Variants in HERC4 observed in about 807,000 individuals in gnomAD.
The protein encoded by HERC4 is probable E3 ubiquitin-protein ligase HERC4.
HERC4 carries 28 observed loss-of-function variants against 124.3 expected under a neutral mutation model. That is an observed-to-expected ratio of 0.23 (90% CI 0.17 to 0.31). The LOEUF is 0.31. Ranked by LOEUF, HERC4 falls within the 10% of genes least tolerant of loss-of-function variation. The pLI is 1.00. For missense variants in HERC4, 713 were observed against 1,229.3 expected (o/e 0.58, Z 6.28); for synonymous variants, 407 against 421.5 (o/e 0.97, Z 0.42).
intron 15 of HERC4, among the ~76,000 whole-genome samples, chr10:67,970,184 A>G (rs1457372741): frequency 7.3e-6 from 1 of 137,370 alleles, no homozygotes; most frequent in Non-Finnish European, 1.6e-5. Context: ...ACTAAACTCA[A>G]ATCCTTACAC....
intron 9 of HERC4, among the ~76,000 whole-genome samples, chr10:68,003,420 G>A (rs969554271): frequency 1.3e-5 from 2 of 148,578 alleles, no homozygotes; most frequent in Non-Finnish European, 3.0e-5. Context: ...TGATCTGCCC[G>A]CCTCAGCCTC....
intron 3 of HERC4, among the ~76,000 whole-genome samples, chr10:68,056,116 G>A (rs2040536435): frequency 6.6e-6 from 1 of 152,126 alleles, no homozygotes; most frequent in African/African-American, 2.4e-5. Context: ...GAAGAGGAAA[G>A]AAGGGGTAAA....
At chr10:67,950,934 C>T (rs1365210355) in intron 19 of HERC4, among the ~76,000 whole-genome samples, 3 of 152,158 alleles carry the variant, frequency 2.0e-5, no homozygotes, top group African/African-American at 7.2e-5. Context: ...AAGAAAAATG[C>T]TAATGCCATG....
chr10:68,059,476 TA>T (rs201795706), intron 3 of HERC4, among the ~76,000 whole-genome samples: 3 of 129,024 alleles, frequency 2.3e-5, no homozygotes, highest in Admixed American at 9.2e-5. Context: ...TTATATATTA[TA>T]ATATTATATA....
At position 68,039,785 on chromosome 10, in the gene HERC4, CTG is replaced by C; in HGVS notation, c.387-1618_387-1617del. 3 of 1,166,900 alleles carry C rather than the reference CTG, an allele frequency of 2.6e-6. No individual in the cohort carries two copies. In the South Asian group the frequency reaches 7.2e-5, roughly 28 times the overall value. 72.3% of individuals were successfully genotyped at this position (1,166,900 alleles called of 1,614,324 possible). A position where few individuals can be genotyped will look rare whatever the true frequency, so the allele number is the denominator to read the frequency against. On this transcript the variant is annotated intron_variant, in intron 4 of 24. Transcript: ENST00000373700. ...CTGTGCTCAAATTACTAAACATTTACTGTTATTGTTTATGCATACTAGGCAGA... is the reference window on the plus strand; with the variant it reads ...CTGTGCTCAAATTACTAAACATTTACTTATTGTTTATGCATACTAGGCAGA...
chr10:67,978,911 A>G (rs1347665455), intron 15 of HERC4, among the ~76,000 whole-genome samples: 2 of 152,186 alleles, frequency 1.3e-5, no homozygotes, highest in African/African-American at 4.8e-5. Flanking sequence ...CCACAGCACT[A>G]CTGGGTGTGG....
chr10:67,948,694 G>A (rs1050236866), intron 19 of HERC4, among the ~76,000 whole-genome samples: 1 of 149,108 alleles, frequency 6.7e-6, no homozygotes, highest in African/African-American at 2.5e-5. Flanking sequence ...GCTGAGGTAG[G>A]GGAATAACCT....
chr10:67,944,768 A>C (rs971748443), intron 19 of HERC4, among the ~76,000 whole-genome samples: 4 of 152,254 alleles, frequency 2.6e-5, no homozygotes, highest in Non-Finnish European at 1.5e-5. Context: ...AAATAAAAAG[A>C]AGCAGAAATT....
At chr10:67,961,814 C>T (rs2034540710) in intron 16 of HERC4, among the ~76,000 whole-genome samples, 1 of 151,492 alleles carries the variant, frequency 6.6e-6, no homozygotes, top group Non-Finnish European at 1.5e-5. Context: ...AGCAAAACAT[C>T]ACTCTATGCA....
chr10:68,022,863 A>T (rs1050884831), intron 8 of HERC4, among the ~76,000 whole-genome samples: 2 of 152,160 alleles, frequency 1.3e-5, no homozygotes, highest in Admixed American at 6.5e-5. Flanking sequence ...CAAAAATGGG[A>T]AAAACACTTT....
chr10:68,054,202 T>C (rs2040442262), intron 3 of HERC4, among the ~76,000 whole-genome samples: 1 of 152,162 alleles, frequency 6.6e-6, no homozygotes, highest in South Asian at 2.1e-4. Flanking sequence ...ATAAAAAAGA[T>C]ACTGTAGAGC....
chr10:67,949,293 A>G (rs953808018), intron 19 of HERC4, among the ~76,000 whole-genome samples: 10 of 152,144 alleles, frequency 6.6e-5, no homozygotes, highest in Admixed American at 3.9e-4. Flanking sequence ...CAAAAAAAAT[A>G]AAAAATAAAA....
At chr10:68,046,191 T>A (rs1182899417) in intron 3 of HERC4, among the ~76,000 whole-genome samples, 3 of 150,892 alleles carry the variant, frequency 2.0e-5, no homozygotes, top group East Asian at 3.9e-4. Flanking sequence ...AACATTCCCA[T>A]AAATCTTAAT....
chr10:67,949,304 A>G (rs1377260921), intron 19 of HERC4, among the ~76,000 whole-genome samples: 2 of 152,002 alleles, frequency 1.3e-5, no homozygotes, highest in Non-Finnish European at 2.9e-5. Flanking sequence ...AAAAATAAAA[A>G]TAATAAAAAT....
Position 68,017,409 on chromosome 10 carries a change from C to T in HERC4, c.909-3223G>A, listed in dbSNP as rs565422208. 4.6e-5 allele frequency among the ~76,000 whole-genome samples: 7 copies of T among 152,346 alleles called. No homozygotes were observed. The South Asian group carries it at 1.5e-3, about 32-fold the overall frequency. On this transcript the variant is annotated intron_variant, in intron 8 of 24. Transcript: ENST00000373700. ...CCACAGAGAAACAAATAAACATTTACTATTATATGTCACTGACATGTTGTT... is the reference window on the plus strand; with the variant it reads ...CCACAGAGAAACAAATAAACATTTATTATTATATGTCACTGACATGTTGTT...
chr10:67,985,546 G>C (rs1382366526), intron 15 of HERC4, among the ~76,000 whole-genome samples: 2 of 152,058 alleles, frequency 1.3e-5, no homozygotes, highest in East Asian at 3.9e-4. Flanking sequence ...TTTATTTAAG[G>C]GTTCTACATA....
At chr10:67,988,877 A>G in intron 14 of HERC4, 42 bp from the exon 15 acceptor site, 2 of 1,481,794 alleles carry the variant, frequency 1.3e-6, no homozygotes, top group Middle Eastern at 2.0e-4. Flanking sequence ...TGAATTTTTT[A>G]AAAAATCACA....
intron 7 of HERC4, among the ~76,000 whole-genome samples, chr10:68,028,795 GTT>G (rs2039037336): frequency 6.6e-6 from 1 of 152,108 alleles, no homozygotes; most frequent in South Asian, 2.1e-4. Flanking sequence ...GAAAATCATA[GTT>G]TATAATACAG....
rs1354214455 is a variant in HERC4 at position 67,990,406 on chromosome 10, T to A, written c.1444-6A>T. On this transcript the variant is annotated splice_polypyrimidine_tract_variant and splice_region_variant and intron_variant, in intron 13 of 24. Transcript: ENST00000373700. ...TTTTCCAAACTAGCTGCCACCTATA[T>A]TTTGACAAAAAGTAAAACCTACTTC... The A allele has an allele frequency of 1.8e-5, 27 of 1,471,150 alleles. No individual in the cohort carries two copies. Among genetic ancestry groups the A allele is most frequent in the Non-Finnish European group, 2.5e-5 (27 of 1,100,598 alleles). The allele number at this position is 1,471,150 out of a possible 1,614,324, so 91.1% of individuals were successfully genotyped here.
Sources: gnomAD v4.1 joint callset for allele counts (sites outside exome capture counted in the v4.1 genomes callset) on GRCh38, gnomAD v4.1.1 for gene constraint, MANE v1.5 for transcripts, NCBI Gene and HGNC (gene_info 2026-07-23, HGNC 2026-07-21) for gene names.